The following ADGRE1 variants were observed in gnomAD, a reference collection of about 807,000 sequenced individuals.
ADGRE1 encodes EGF-like module receptor 1.
In ADGRE1, 82 loss-of-function variants were observed where a neutral mutation model predicts 102.7. The observed-to-expected ratio is 0.80, with a 90% CI of 0.67 to 0.96. The LOEUF (loss-of-function observed/expected upper bound fraction) is 0.96, where lower values mean the gene tolerates loss of function less well. Among genes scored for constraint, ADGRE1 ranks in the 40% least tolerant of loss-of-function variants. ADGRE1 has a pLI of 0.00. For missense variants in ADGRE1, 1,032 were observed against 1,085.3 expected, an observed-to-expected ratio of 0.95 and a Z score of 0.69; for synonymous variants, 398 against 399.6, an observed-to-expected ratio of 1.00 and a Z score of 0.05.
chr19:6,915,198 A>G (rs1974329906), intron 11 of ADGRE1, among the ~76,000 whole-genome samples: 2 of 151,936 alleles, frequency 1.3e-5, no homozygotes, highest in Non-Finnish European at 2.9e-5. Flanking sequence ...GGTAGAAATG[A>G]GGTCTTGCTA....
At chr19:6,906,344 G>A in intron 8 of ADGRE1, 89 bp from the exon 9 acceptor site, 1 of 1,143,892 alleles carries the variant, frequency 8.7e-7, no homozygotes, top group South Asian at 1.3e-5. Context: ...TTTTAAGTCG[G>A]GCACGGGAGG....
chr19:6,940,303 CA>C lies in ADGRE1; in HGVS notation c.*275del. On this transcript the variant is annotated 3_prime_UTR_variant, in exon 21 of 21. Coordinates refer to ENST00000312053, the MANE Select transcript of ADGRE1 (RefSeq NM_001974.5). ...CTGAGAACAGACCCAAATTCAATGG[CA>C]TGACCAAGAACACCTGGCTACCATT... is the stretch of plus-strand genomic sequence containing the variant. The C allele has an allele frequency of 1.8e-6, 1 of 549,106 alleles. No homozygotes were observed. Among genetic ancestry groups the C allele is most frequent in the Non-Finnish European group, 3.3e-6 (1 of 307,348 alleles). 34.0% of individuals were successfully genotyped at this position (549,106 alleles called of 1,614,324 possible). A position where few individuals can be genotyped will look rare whatever the true frequency, so the allele number is the denominator to read the frequency against.
chr19:6,934,971 C>T lies in ADGRE1; in HGVS notation c.2290-16C>T, dbSNP rs1599772460. Reference sequence around the variant, plus strand: ...TTGTATATCCAGTCTCTCCATCCTTCTGCTTGACTTTGCAGATCAACTCCC... The same window carrying T: ...TTGTATATCCAGTCTCTCCATCCTTTTGCTTGACTTTGCAGATCAACTCCC... On this transcript the variant is annotated splice_polypyrimidine_tract_variant and intron_variant, in intron 17 of 20. Coordinates refer to ENST00000312053, the MANE Select transcript of ADGRE1 (RefSeq NM_001974.5). The T allele has an allele frequency of 6.4e-7, 1 of 1,557,490 alleles. No homozygotes were observed. The highest frequency in any genetic ancestry group is 2.4e-5 in the East Asian group (1 of 42,152).
At chr19:6,903,703 TG>T in intron 6 of ADGRE1, 106 bp from the exon 7 acceptor site, 1 of 1,432,750 alleles carries the variant, frequency 7.0e-7, no homozygotes, top group Non-Finnish European at 9.6e-7. Context: ...AGTCCCTGGC[TG>T]GGACACCATT....
At chr19:6,922,457 A>C (rs141908776) in intron 14 of ADGRE1, among the ~76,000 whole-genome samples, 4,674 of 151,658 alleles carry the variant, frequency 0.031, 241 homozygotes, top group African/African-American at 0.11. Context: ...TCTACTAAGA[A>C]TATAAAAATT....
intron 17 of ADGRE1, among the ~76,000 whole-genome samples, chr19:6,929,532 CTT>C (rs34680038): frequency 1.4e-5 from 2 of 145,864 alleles, no homozygotes; most frequent in African/African-American, 5.1e-5. Context: ...TTTTTTTTTT[CTT>C]TTTTTTTAGA....
chr19:6,908,769 G>A lies in ADGRE1; in HGVS notation c.1119G>A (p.Leu373=). ...VCENKTTVVS[L]KNTTESFVPV... ...AAAATAAAACGACCGTAGTTTCTCTGAAGGTAACGATTGGGTCTTTTAAAT... is the reference window on the plus strand; with the variant it reads ...AAAATAAAACGACCGTAGTTTCTCTAAAGGTAACGATTGGGTCTTTTAAAT... Residue 373 remains leucine (L), a synonymous_variant, in exon 10 of 21, where the codon CTG becomes CTA. Transcript: ENST00000312053. The A allele has an allele frequency of 6.2e-7, 1 of 1,606,778 alleles. No individual in the cohort carries two copies. Among genetic ancestry groups the A allele is most frequent in the Non-Finnish European group, 8.5e-7 (1 of 1,178,164 alleles).
chr19:6,907,890 A>G lies in ADGRE1; in HGVS notation c.1039-799A>G, dbSNP rs150712013. ...TTTTTATGGCTGAATAATATTCCAC[A>G]TGGACCACTGTTAGTTCATACATTT... is the stretch of plus-strand genomic sequence containing the variant. On this transcript the variant is annotated intron_variant, in intron 9 of 20. Coordinates refer to ENST00000312053, the MANE Select transcript of ADGRE1 (RefSeq NM_001974.5). 2.9e-3 allele frequency among the ~76,000 whole-genome samples: 449 copies of G among 152,294 alleles called. 4 individuals carry two copies. The highest frequency in any genetic ancestry group is 6.8e-3 in the Middle Eastern group (2 of 294).
At chr19:6,938,552 G>A (rs1262900586) in intron 20 of ADGRE1, among the ~76,000 whole-genome samples, 4 of 151,918 alleles carry the variant, frequency 2.6e-5, no homozygotes, top group East Asian at 3.9e-4. Context: ...CTAGCACACA[G>A]TAAGTTCTTA....
intron 12 of ADGRE1, among the ~76,000 whole-genome samples, chr19:6,917,130 C>T (rs1482242817): frequency 1.3e-5 from 2 of 151,482 alleles, no homozygotes; most frequent in Non-Finnish European, 2.9e-5. Context: ...TATGAATGTG[C>T]CTGGGCATGT....
intron 14 of ADGRE1, among the ~76,000 whole-genome samples, chr19:6,924,068 CA>C (rs1974782177): frequency 6.6e-6 from 1 of 151,350 alleles, no homozygotes; most frequent in South Asian, 2.1e-4. Context: ...GTACAGGAAG[CA>C]AAAACCACCC....
chr19:6,913,427 A>AAGT (rs371669183), intron 10 of ADGRE1, among the ~76,000 whole-genome samples: 109,083 of 151,504 alleles, frequency 0.72, 39,748 homozygotes, highest in East Asian at 0.77. Context: ...TGATCCACCC[A>AAGT]CCTCAGCCTC....
chr19:6,916,438 A>C, intron 12 of ADGRE1, 70 bp downstream of exon 12: 1 of 1,539,222 alleles, frequency 6.5e-7, no homozygotes, highest in Non-Finnish European at 8.8e-7. Flanking sequence ...ATCCCTTTCT[A>C]GGTGCCAAGA....
At chr19:6,921,464 T>C (rs1974665124) in intron 13 of ADGRE1, among the ~76,000 whole-genome samples, 2 of 152,118 alleles carry the variant, frequency 1.3e-5, no homozygotes, top group African/African-American at 2.4e-5. Context: ...AAGTGAATAA[T>C]GAGTGACTAT....
At chr19:6,910,961 G>C (rs1451742528) in intron 10 of ADGRE1, among the ~76,000 whole-genome samples, 1 of 152,132 alleles carries the variant, frequency 6.6e-6, no homozygotes, top group East Asian at 1.9e-4. Flanking sequence ...AGGATGTTTA[G>C]TTTGCCTAAA....
intron 16 of ADGRE1, among the ~76,000 whole-genome samples, chr19:6,927,596 T>G (rs898466880): frequency 1.3e-5 from 2 of 152,182 alleles, no homozygotes; most frequent in Admixed American, 6.6e-5. Context: ...TATCTAAGGA[T>G]AGTCAGGAGT....
chr19:6,899,245 G>A (rs188481407), intron 5 of ADGRE1, among the ~76,000 whole-genome samples: 13 of 152,250 alleles, frequency 8.5e-5, no homozygotes, highest in African/African-American at 2.9e-4. Context: ...TGTCTCAACC[G>A]GTGATGGTGG....
In ADGRE1 at chr19:6,940,008, C is replaced by T. The variant is rs369261978; in HGVS notation, c.2656-16C>T. 3.1e-6 allele frequency: 5 copies of T among 1,613,872 alleles called. No individual in the cohort carries two copies. The South Asian group carries it at 3.3e-5, about 11-fold the overall frequency. On this transcript the variant is annotated splice_polypyrimidine_tract_variant and intron_variant, in intron 20 of 20. Transcript: ENST00000312053. ...TTCTGCTGCAGACTCTGAGGAAATT[C>T]TTTTCTCTCTCACAGGGTTAAAGTC...
intron 17 of ADGRE1, among the ~76,000 whole-genome samples, chr19:6,934,410 CTTCTTCTTCTTT>C (rs1323838358): frequency 7.2e-6 from 1 of 139,500 alleles, no homozygotes; most frequent in Non-Finnish European, 1.5e-5. Context: ...CAGAATTCTT[CTTCTTCTTCTTT>C]TTTTTTTTTT....
Sources: allele counts gnomAD v4.1 joint callset (sites outside exome capture counted in the v4.1 genomes callset), GRCh38; gene constraint gnomAD v4.1.1; transcripts MANE v1.5; gene names NCBI Gene and HGNC (gene_info 2026-07-23, HGNC 2026-07-21).